The following CEP97 variants were observed in gnomAD, a reference collection of about 807,000 sequenced individuals.
The protein encoded by CEP97 is centrosomal protein 97, also known as centrosomal protein of 97 kDa.
A neutral mutation model predicts 73.1 loss-of-function variants in CEP97; 43 were observed. The observed-to-expected ratio is 0.59, with a 90% CI of 0.46 to 0.76. The LOEUF (loss-of-function observed/expected upper bound fraction) is 0.76. CEP97 is among the 30% of genes least tolerant of loss of function. CEP97 has a pLI of 0.00. For missense variants in CEP97, 939 were observed against 1,014.0 expected (o/e 0.93, Z 1.00); for synonymous variants, 337 against 370.0 (o/e 0.91, Z 1.02).
intron 2 of CEP97, 93 bp downstream of exon 2, chr3:101,726,829 CT>C (rs1576673762): frequency 1.1e-6 from 1 of 909,290 alleles, no homozygotes; most frequent in East Asian, 2.7e-5. Context: ...CTGTGCAGCC[CT>C]AGCAAGCAGT....
chr3:101,757,587 A>C, intron 8 of CEP97, 47 bp from the exon 9 acceptor site: 1 of 1,527,256 alleles, frequency 6.5e-7, no homozygotes, highest in East Asian at 2.3e-5. Flanking sequence ...ACATAACTAA[A>C]ATGTAAACAT....
At chr3:101,731,784 A>C in intron 4 of CEP97, 56 bp from the exon 5 acceptor site, 24 of 930,238 alleles carry the variant, frequency 2.6e-5, no homozygotes, top group Non-Finnish European at 3.8e-5. Context: ...TTGTCACAAT[A>C]GGCCAATTTA....
At chr3:101,752,492 T>C (rs1938864421) in intron 6 of CEP97, among the ~76,000 whole-genome samples, 1 of 152,238 alleles carries the variant, frequency 6.6e-6, no homozygotes, top group South Asian at 2.1e-4. Flanking sequence ...CAGAGTGTTT[T>C]CCAACTTGGT....
At chr3:101,746,005 G>A (rs1314378462) in intron 6 of CEP97, among the ~76,000 whole-genome samples, 1 of 152,032 alleles carries the variant, frequency 6.6e-6, no homozygotes, top group African/African-American at 2.4e-5. Flanking sequence ...AATATGCGGT[G>A]TTTGGTTTTT....
intron 6 of CEP97, 142 bp from the exon 7 acceptor site, chr3:101,755,288 T>TA (rs1245778487): frequency 1.5e-5 from 11 of 725,928 alleles, no homozygotes; most frequent in Non-Finnish European, 2.0e-5. Context: ...ATAGATTTTT[T>TA]AAAAAAATTG....
At chr3:101,748,129 C>CAAAAA (rs71625598) in intron 6 of CEP97, among the ~76,000 whole-genome samples, 35 of 53,890 alleles carry the variant, frequency 6.5e-4, no homozygotes, top group Admixed American at 8.0e-4. Flanking sequence ...GACCTTGTCT[C>CAAAAA]AAAAAAAAAA....
At chr3:101,760,655 C>A (rs993818662) in intron 9 of CEP97, among the ~76,000 whole-genome samples, 2 of 152,062 alleles carry the variant, frequency 1.3e-5, no homozygotes, top group African/African-American at 4.8e-5. Flanking sequence ...GATTCTCCCA[C>A]TTGAGGCTCC....
chr3:101,725,366 G>C (rs917065082), intron 1 of CEP97, among the ~76,000 whole-genome samples: 2 of 152,160 alleles, frequency 1.3e-5, no homozygotes, highest in African/African-American at 4.8e-5. Flanking sequence ...AGCTGCTTTT[G>C]TTTTGGTTAC....
At chr3:101,739,645 C>T (rs141010728) in intron 6 of CEP97, among the ~76,000 whole-genome samples, 1 of 152,154 alleles carries the variant, frequency 6.6e-6, no homozygotes, top group African/African-American at 2.4e-5. Context: ...CAGTGGCTCA[C>T]GACTGTAATC....
intron 3 of CEP97, 128 bp from the exon 4 acceptor site, chr3:101,728,708 T>G (rs1937985906): frequency 3.1e-6 from 2 of 645,640 alleles, no homozygotes; most frequent in African/African-American, 3.7e-5. Flanking sequence ...TTTCTCTTGC[T>G]AAGTTCTTCT....
intron 3 of CEP97, among the ~76,000 whole-genome samples, chr3:101,727,936 T>C (rs552147011): frequency 2.6e-5 from 4 of 152,348 alleles, no homozygotes; most frequent in African/African-American, 7.2e-5. Flanking sequence ...TACATATTTC[T>C]GCGTCTTATT....
At chr3:101,743,771 A>G (rs1271489050) in intron 6 of CEP97, among the ~76,000 whole-genome samples, 1 of 152,174 alleles carries the variant, frequency 6.6e-6, no homozygotes, top group South Asian at 2.1e-4. Flanking sequence ...TGGGAGGCCA[A>G]GGCGGGAGGA....
chr3:101,750,390 T>G (rs1237430476), intron 6 of CEP97, among the ~76,000 whole-genome samples: 1 of 151,906 alleles, frequency 6.6e-6, no homozygotes, highest in Non-Finnish European at 1.5e-5. Flanking sequence ...CTGTTTTGGT[T>G]ACTGTAGCCT....
At chr3:101,745,281 G>A (rs539492682) in intron 6 of CEP97, among the ~76,000 whole-genome samples, 1 of 152,216 alleles carries the variant, frequency 6.6e-6, no homozygotes, top group African/African-American at 2.4e-5. Context: ...AATTTTCAGA[G>A]ATGGGGTCTC....
intron 6 of CEP97, among the ~76,000 whole-genome samples, chr3:101,733,101 T>C (rs1023405570): frequency 2.0e-5 from 3 of 152,068 alleles, no homozygotes; most frequent in African/African-American, 7.2e-5. Context: ...CTACCTTGGG[T>C]GACAGAGTGA....
At position 101,766,860 on chromosome 3, in the gene CEP97, C is replaced by G. The variant is rs1056574036; in HGVS notation, c.*1309C>G. On this transcript the variant is annotated 3_prime_UTR_variant, in exon 11 of 11. Coordinates refer to ENST00000341893, the MANE Select transcript of CEP97 (RefSeq NM_024548.4). ...TTATTCTGTTGTAGTCATTAGGTGC[C>G]CTTCTCTGAAGTTATGTAAAATAAA... is the stretch of plus-strand genomic sequence containing the variant. 2.6e-5 allele frequency: 4 copies of G among 152,046 alleles called. No individual in the cohort carries two copies. The highest frequency in any genetic ancestry group is 1.5e-5 in the Non-Finnish European group (1 of 68,030). The allele number at this position is 152,046 out of a possible 1,614,324, so 9.4% of individuals were successfully genotyped here.
Position 101,731,865 on chromosome 3 carries a change from T to C in CEP97, c.473T>C (p.Ile158Thr). 6.2e-7 allele frequency: 1 copy of C among 1,604,354 alleles called. No individual in the cohort carries two copies. Among genetic ancestry groups the C allele is most frequent in the Non-Finnish European group, 8.5e-7 (1 of 1,171,604 alleles). Residue 158 changes from isoleucine to threonine, a missense_variant, in exon 5 of 11, where the codon ATC becomes ACC. Physicochemically the swap from Ile to Thr is moderately conservative, Grantham distance 89. Coordinates refer to ENST00000341893, the MANE Select transcript of CEP97 (RefSeq NM_024548.4). The stretch of plus-strand genomic sequence containing the variant: ...ACCCTGCTTTTACATGGAAACATCA[T>C]CACCTCTCTTAGAATGGCACCTGCT... ...LKTLLLHGNI[I>T]TSLRMAPAYL... is the part of the protein sequence containing the mutation.
Position 101,757,775 on chromosome 3 carries a change from A to T in CEP97, c.1169A>T (p.Asp390Val), listed in dbSNP as rs1468628480. Residue 390 changes from aspartate to valine, a missense_variant, in exon 9 of 11, where the codon GAT becomes GTT. Transcript: ENST00000341893. ...CTGCACCTGGAAGACATACAGACGG[A>T]TGAGGACAAGTTAAACTGTAGTCTT... ...NDLHLEDIQT[D>V]EDKLNCSLLS... 6.2e-7 allele frequency: 1 copy of T among 1,614,252 alleles called. No homozygotes were observed. The highest frequency in any genetic ancestry group is 1.3e-5 in the African/African-American group (1 of 75,082).
intron 9 of CEP97, 79 bp from the exon 10 acceptor site, chr3:101,762,406 A>G (rs1939196416): frequency 1.4e-6 from 1 of 739,464 alleles, no homozygotes. Flanking sequence ...TTTACAATGC[A>G]TGTGTTTATG....
Sources: gnomAD v4.1 joint callset for allele counts (sites outside exome capture counted in the v4.1 genomes callset) on GRCh38, gnomAD v4.1.1 for gene constraint, MANE v1.5 for transcripts, NCBI Gene and HGNC (gene_info 2026-07-23, HGNC 2026-07-21) for gene names.